The following ARHGAP26 variants were observed in gnomAD, a reference collection of about 807,000 sequenced individuals.
ARHGAP26 encodes rho GTPase-activating protein 26.
ARHGAP26 carries 38 observed loss-of-function variants against 104.8 expected under a neutral mutation model. The ratio of observed to expected loss-of-function variants is 0.36; its 90% confidence interval spans 0.28 to 0.48. The LOEUF (loss-of-function observed/expected upper bound fraction) is 0.48, where lower values mean the gene tolerates loss of function less well. Ranked by LOEUF, ARHGAP26 falls within the 20% of genes least tolerant of loss-of-function variation. The pLI is 0.99. For missense variants in ARHGAP26, 704 were observed against 947.9 expected, an observed-to-expected ratio of 0.74 and a Z score of 3.38; for synonymous variants, 341 against 340.0, an observed-to-expected ratio of 1.00 and a Z score of -0.03.
At position 143,125,703 on chromosome 5, in the gene ARHGAP26, C is replaced by A. The variant is rs527954618; in HGVS notation, c.1698+4556C>A. Among the ~76,000 whole-genome samples, 8 of 152,258 alleles carry A rather than the reference C, an allele frequency of 5.3e-5. No homozygotes were observed. In the South Asian group the frequency reaches 1.7e-3, roughly 32 times the overall value. On this transcript the variant is annotated intron_variant, in intron 18 of 22. Transcript: ENST00000645722. ...TTTACTCAATTAAAATTAATGAATC[C>A]TTTAAATGAATACAGTCCAGAAATA...
chr5:143,053,617 G>C (rs1785345814), intron 14 of ARHGAP26, among the ~76,000 whole-genome samples: 1 of 152,166 alleles, frequency 6.6e-6, no homozygotes, highest in Non-Finnish European at 1.5e-5. Context: ...ATACATGCTT[G>C]TTTAAAATAT....
chr5:142,942,131 T>C lies in ARHGAP26; in HGVS notation c.1107+10006T>C, dbSNP rs150841026. On this transcript the variant is annotated intron_variant, in intron 11 of 22. Transcript: ENST00000645722. Reference sequence around the variant, plus strand: ...GGGAAGGGTGGAGGATGACCAAAATTGTTTCTTAGGGAATTGAGTTGCCTT... The same window carrying C: ...GGGAAGGGTGGAGGATGACCAAAATCGTTTCTTAGGGAATTGAGTTGCCTT... Among the ~76,000 whole-genome samples the C allele has an allele frequency of 7.2e-5, 11 of 152,248 alleles. No homozygotes were observed. The East Asian group carries it at 2.1e-3, about 29-fold the overall frequency.
intron 11 of ARHGAP26, among the ~76,000 whole-genome samples, chr5:143,013,789 T>C (rs190030137): frequency 1.3e-5 from 2 of 152,392 alleles, no homozygotes; most frequent in African/African-American, 4.8e-5. Context: ...TTAATTTTTT[T>C]CTCTTTTCTA....
intron 6 of ARHGAP26, among the ~76,000 whole-genome samples, chr5:142,899,719 TG>T (rs1296957936): frequency 1.4e-5 from 2 of 148,070 alleles, no homozygotes; most frequent in African/African-American, 2.5e-5. Context: ...GTGTTGGGGG[TG>T]GGGGAGAGAA....
intron 11 of ARHGAP26, among the ~76,000 whole-genome samples, chr5:142,960,824 G>A (rs945727675): frequency 4.6e-5 from 7 of 152,202 alleles, no homozygotes; most frequent in Non-Finnish European, 7.3e-5. Context: ...AGCATGCCAA[G>A]CTATTTCCCA....
At chr5:142,828,616 G>A (rs145287201) in intron 1 of ARHGAP26, among the ~76,000 whole-genome samples, 21 of 152,296 alleles carry the variant, frequency 1.4e-4, no homozygotes, top group Non-Finnish European at 2.6e-4. Flanking sequence ...TGTGTCTTTG[G>A]AATAATTTAA....
chr5:143,053,835 A>G (rs980840704), intron 14 of ARHGAP26, among the ~76,000 whole-genome samples: 7 of 152,360 alleles, frequency 4.6e-5, no homozygotes, highest in African/African-American at 1.7e-4. Context: ...AGTTCATAGA[A>G]AAAGTTTCTC....
chr5:142,906,339 C>T (rs1598179300), intron 8 of ARHGAP26, among the ~76,000 whole-genome samples: 1 of 152,304 alleles, frequency 6.6e-6, no homozygotes, highest in African/African-American at 2.4e-5. Flanking sequence ...CACACTTTAC[C>T]TCCATAGATT....
intron 20 of ARHGAP26, among the ~76,000 whole-genome samples, chr5:143,157,656 T>G (rs1190770008): frequency 1.3e-5 from 2 of 152,192 alleles, no homozygotes; most frequent in Non-Finnish European, 2.9e-5. Flanking sequence ...TAAATCGACA[T>G]TCTACTTTTG....
In ARHGAP26 at chr5:143,007,587, G is replaced by C. The variant is rs149734129; in HGVS notation, c.1108-6493G>C. 2.0e-4 allele frequency among the ~76,000 whole-genome samples: 31 copies of C among 152,308 alleles called. No individual in the cohort carries two copies. In the East Asian group the frequency reaches 5.2e-3, roughly 26 times the overall value. ...GGGTGGAGAAGTTGTATGAAGTTGT[G>C]GCTGAGTACAGACTCTACTGTGCTC... is the stretch of plus-strand genomic sequence containing the variant. On this transcript the variant is annotated intron_variant, in intron 11 of 22. Transcript: ENST00000645722.
At chr5:143,217,333 G>A (rs772857147) in intron 22 of ARHGAP26, among the ~76,000 whole-genome samples, 6 of 152,112 alleles carry the variant, frequency 3.9e-5, no homozygotes, top group South Asian at 2.1e-4. Context: ...TGTGCAATAC[G>A]TGCAATACCT....
intron 17 of ARHGAP26, among the ~76,000 whole-genome samples, chr5:143,111,595 TAAA>T (rs1361024818): frequency 6.6e-6 from 1 of 152,106 alleles, no homozygotes; most frequent in African/African-American, 2.4e-5. Flanking sequence ...CTAGTAATAA[TAAA>T]AGACAGGCAG....
At chr5:142,927,467 T>C (rs1221878696) in intron 10 of ARHGAP26, among the ~76,000 whole-genome samples, 1 of 152,258 alleles carries the variant, frequency 6.6e-6, no homozygotes, top group Non-Finnish European at 1.5e-5. Flanking sequence ...ATTATGTCTC[T>C]GAGATTCATT....
At chr5:142,907,500 A>C in intron 8 of ARHGAP26, 2 of 310,930 alleles carry the variant, frequency 6.4e-6, no homozygotes, top group Non-Finnish European at 1.2e-5. Context: ...CCCTGGGGGA[A>C]ATCCCGGGGT....
chr5:142,970,188 G>A (rs1348319668), intron 11 of ARHGAP26, among the ~76,000 whole-genome samples: 1 of 152,140 alleles, frequency 6.6e-6, no homozygotes, highest in Non-Finnish European at 1.5e-5. Context: ...CAGCACTCGT[G>A]AACCAGGCCT....
intron 14 of ARHGAP26, among the ~76,000 whole-genome samples, chr5:143,052,126 T>C (rs921857595): frequency 6.6e-6 from 1 of 152,178 alleles, no homozygotes; most frequent in Non-Finnish European, 1.5e-5. Flanking sequence ...TTTCAGAAAT[T>C]TGCTGTGATA....
rs146816518 is a variant in ARHGAP26, at chr5:143,193,127, C to T, written c.1989-14071C>T. On this transcript the variant is annotated intron_variant, in intron 20 of 22. Coordinates refer to ENST00000645722, the MANE Select transcript of ARHGAP26 (RefSeq NM_001135608.3). Reference sequence around the variant, plus strand: ...CCCCACATGATGAAGTCCTGCTCCCCGGGACAGGAATCATCCCTTTGCCAC... The same window carrying T: ...CCCCACATGATGAAGTCCTGCTCCCTGGGACAGGAATCATCCCTTTGCCAC... 2.4e-3 allele frequency among the ~76,000 whole-genome samples: 372 copies of T among 152,160 alleles called. 1 individual carries two copies. Among genetic ancestry groups the T allele is most frequent in the Non-Finnish European group, 4.0e-3 (269 of 68,000 alleles).
At chr5:142,928,249 A>AC (rs1282901838) in intron 10 of ARHGAP26, among the ~76,000 whole-genome samples, 1 of 95,596 alleles carries the variant, frequency 1.0e-5, no homozygotes, top group African/African-American at 7.7e-5. Flanking sequence ...TTTTTTTTTT[A>AC]AAACTCATTG....
chr5:143,165,991 C>A, intron 20 of ARHGAP26: 1 of 1,297,518 alleles, frequency 7.7e-7, no homozygotes, highest in Admixed American at 2.5e-5. Flanking sequence ...TAAAAGTTAC[C>A]TGCCGTAATT....
Sources: allele counts gnomAD v4.1 joint callset (sites outside exome capture counted in the v4.1 genomes callset), GRCh38; gene constraint gnomAD v4.1.1; transcripts MANE v1.5; gene names NCBI Gene and HGNC (gene_info 2026-07-23, HGNC 2026-07-21).